GTPBP4: variants seen among roughly 807,000 people sequenced by gnomAD.
GTPBP4 encodes the protein GTP-binding protein 4.
A neutral mutation model predicts 81.7 loss-of-function variants in GTPBP4; 15 were observed. The observed-to-expected ratio is 0.18, with a 90% confidence interval of 0.12 to 0.28. The LOEUF (loss-of-function observed/expected upper bound fraction) is 0.28. GTPBP4 is among the 10% of genes least tolerant of loss of function. GTPBP4 has a pLI of 1.00. For synonymous variants in GTPBP4, 272 were observed against 274.6 expected (o/e 0.99, Z 0.09); for missense variants, 847 against 793.8 (o/e 1.07, Z -0.81).
At chr10:995,687 G>A (rs939329478) in intron 2 of GTPBP4, among the ~76,000 whole-genome samples, 6 of 152,138 alleles carry the variant, frequency 3.9e-5, no homozygotes, top group African/African-American at 1.2e-4. Context: ...TCATTGCTGG[G>A]TCCCACAGCT....
chr10:995,114 T>C (rs1831515418), intron 2 of GTPBP4, among the ~76,000 whole-genome samples: 1 of 152,166 alleles, frequency 6.6e-6, no homozygotes, highest in South Asian at 2.1e-4. Context: ...ACTGGTGAGA[T>C]ATCTCAGGAG....
chr10:1,016,917 G>A (rs1832003652), intron 16 of GTPBP4, among the ~76,000 whole-genome samples, 158 bp from the exon 17 acceptor site: 1 of 151,946 alleles, frequency 6.6e-6, no homozygotes, highest in Non-Finnish European at 1.5e-5. Flanking sequence ...GATGTAACAG[G>A]GATAACTGTG....
Position 1,000,996 on chromosome 10 carries a change from C to G in GTPBP4, c.895C>G (p.Leu299Val), listed in dbSNP as rs1589026004. ...NKCDVKRIAELSEDDQKIFTD... is the reference protein window; with the variant it reads ...NKCDVKRIAEVSEDDQKIFTD... ...ATGTGATGTGAAGAGAATAGCTGAA[C>G]TTTCTGAAGATGATCAGGTAAATCA... The change falls in exon 8 of 17, where the codon CTT becomes GTT. Residue 299 changes from leucine (L) to valine (V), a missense_variant. By Grantham distance (32) the Leu-to-Val change is conservative (BLOSUM62 1). This residue lies in a region of GTPBP4 where 600 missense variants were observed against 557.1 expected (regional missense o/e 1.08). Transcript: ENST00000360803. 3 of 1,605,734 alleles carry G rather than the reference C, an allele frequency of 1.9e-6. No individual in the cohort carries two copies. Among genetic ancestry groups the G allele is most frequent in the East Asian group, 2.2e-5 (1 of 44,818 alleles).
chr10:1,013,074 C>T (rs528306586), intron 14 of GTPBP4, among the ~76,000 whole-genome samples: 1 of 151,986 alleles, frequency 6.6e-6, no homozygotes, highest in Admixed American at 6.5e-5. Context: ...GCCTCCACCT[C>T]GCGGGTTCAA....
At position 999,022 on chromosome 10, in the gene GTPBP4, A is replaced by G; in HGVS notation, c.581A>G (p.Asp194Gly). The G allele has an allele frequency of 6.2e-7, 1 of 1,604,304 alleles. No individual in the cohort carries two copies. Among genetic ancestry groups the G allele is most frequent in the Non-Finnish European group, 8.5e-7 (1 of 1,170,960 alleles). Reference protein sequence around the residue: ...FINKVTRADVDVQPYAFTTKS... With the variant: ...FINKVTRADVGVQPYAFTTKS... ...TTCCAGGTGACGAGAGCAGACGTGG[A>G]TGTCCAGCCCTATGCGTTCACAACC... Residue 194 changes from aspartate (D) to glycine (G), a missense_variant, in exon 6 of 17, where the codon GAT becomes GGT. Physicochemically the swap from Asp to Gly is moderately conservative, Grantham distance 94 (BLOSUM62 -1). Around this residue, in one of 3 missense-constraint regions of GTPBP4, gnomAD observed 600 missense variants for 557.1 expected, o/e 1.08. Transcript: ENST00000360803.
chr10:1,010,899 GC>G (rs1415798103), intron 13 of GTPBP4, among the ~76,000 whole-genome samples: 4 of 145,374 alleles, frequency 2.8e-5, no homozygotes, highest in African/African-American at 5.3e-5. Context: ...TCCTGACTCT[GC>G]CCCCTACACC....
intron 9 of GTPBP4, 88 bp downstream of exon 9, chr10:1,005,995 T>A: frequency 1.3e-6 from 1 of 745,538 alleles, no homozygotes; most frequent in Non-Finnish European, 2.2e-6. Flanking sequence ...GTTTTCTTTC[T>A]AGACATTGTT....
intron 16 of GTPBP4, 39 bp downstream of exon 16, chr10:1,015,935 CTCTGTTGTTTA>C (rs773769586): frequency 6.4e-7 from 1 of 1,551,790 alleles, no homozygotes; most frequent in South Asian, 1.2e-5. Context: ...AAATGACAGT[CTCTGTTGTTTA>C]TTGCACAGGG....
chr10:996,075 T>G, intron 3 of GTPBP4, 31 bp from the exon 4 acceptor site: 1 of 1,425,012 alleles, frequency 7.0e-7, no homozygotes, highest in Non-Finnish European at 9.2e-7. Flanking sequence ...TTATCGAAAG[T>G]GGAAAAAATA....
intron 10 of GTPBP4, among the ~76,000 whole-genome samples, chr10:1,007,733 A>G (rs1831770384): frequency 6.6e-6 from 1 of 152,224 alleles, no homozygotes; most frequent in South Asian, 2.1e-4. Context: ...TGCTGCACTG[A>G]CGCTGGAGGC....
chr10:1,007,403 C>T (rs555236300), intron 10 of GTPBP4: 1 of 292,756 alleles, frequency 3.4e-6, no homozygotes, highest in Non-Finnish European at 6.4e-6. Context: ...CTAAAAAGTT[C>T]TTTAAACACA....
intron 8 of GTPBP4, among the ~76,000 whole-genome samples, chr10:1,003,082 T>C (rs898094686): frequency 3.3e-5 from 5 of 152,234 alleles, no homozygotes; most frequent in Admixed American, 6.5e-5. Context: ...ATAAATCTTA[T>C]AGGCTTCCTT....
Position 1,000,920 on chromosome 10 carries a change from G to T in GTPBP4, c.847-28G>T, listed in dbSNP as rs138913470. ...TCATATCCTGCAGTACGAGAATAATGATTTCATTATTTTTCTTCCTTGCCT... is the reference window on the plus strand; with the variant it reads ...TCATATCCTGCAGTACGAGAATAATTATTTCATTATTTTTCTTCCTTGCCT... On this transcript the variant is annotated intron_variant, in intron 7 of 16. Coordinates refer to ENST00000360803, the MANE Select transcript of GTPBP4 (RefSeq NM_012341.3). 3.9e-3 allele frequency: 6,325 copies of T among 1,609,826 alleles called. 15 individuals are homozygous for T. The highest frequency in any genetic ancestry group is 4.5e-3 in the Non-Finnish European group (5,276 of 1,176,106).
In GTPBP4 at chr10:998,932, T is replaced by G. The variant is rs1037394913; in HGVS notation, c.562-71T>G. The G allele has an allele frequency of 1.7e-5, 15 of 858,996 alleles. No homozygotes were observed. In the African/African-American group the frequency reaches 2.5e-4, roughly 14 times the overall value. The allele number at this position is 858,996 out of a possible 1,614,324, so 53.2% of individuals were successfully genotyped here. ...GTTATTTCCTACCCAAAATCAGTCT[T>G]GTTAAAACACACAGATCCCACGTGT... On this transcript the variant is annotated intron_variant, in intron 5 of 16. Coordinates refer to ENST00000360803, the MANE Select transcript of GTPBP4 (RefSeq NM_012341.3).
intron 5 of GTPBP4, among the ~76,000 whole-genome samples, chr10:997,810 G>C (rs1435220949): frequency 2.6e-5 from 4 of 152,154 alleles, no homozygotes; most frequent in African/African-American, 9.7e-5. Context: ...TGCTGTGTCA[G>C]CTTTCACATG....
At chr10:1,011,466 T>TCCTCTCA (rs1455560208) in intron 13 of GTPBP4, among the ~76,000 whole-genome samples, 10,048 of 147,382 alleles carry the variant, frequency 0.068, 1,619 homozygotes, top group Non-Finnish European at 0.11. Context: ...TCCTGCCTTC[T>TCCTCTCA]GCTCTCAGCT....
chr10:1,010,993 A>ACCACCTTCCCCAC (rs1348527364), intron 13 of GTPBP4, among the ~76,000 whole-genome samples: 4 of 138,578 alleles, frequency 2.9e-5, no homozygotes, highest in Non-Finnish European at 6.2e-5. Flanking sequence ...TGCCTCCTGC[A>ACCACCTTCCCCAC]CCACCTTCCC....
At position 1,007,035 on chromosome 10, in the gene GTPBP4, G is replaced by C. The variant is rs753565559; in HGVS notation, c.1020G>C (p.Leu340Phe). The C allele has an allele frequency of 1.9e-6, 3 of 1,609,856 alleles. No individual in the cohort carries two copies. Among genetic ancestry groups the C allele is most frequent in the East Asian group, 4.5e-5 (2 of 44,872 alleles). Residue 340 changes from leucine (L) to phenylalanine (F), a missense_variant, in exon 10 of 17, where the codon TTG (leucine) becomes TTC (phenylalanine). Coordinates refer to ENST00000360803, the MANE Select transcript of GTPBP4 (RefSeq NM_012341.3). ...GTTATTAGGCTTGCGATAGGCTTTT[G>C]GCTCATCGAGTGGAAACCAAAATGA... ...KVKTEACDRL[L>F]AHRVETKMKG...
chr10:995,536 T>C (rs1452565909), intron 2 of GTPBP4, among the ~76,000 whole-genome samples: 2 of 152,052 alleles, frequency 1.3e-5, no homozygotes, highest in Non-Finnish European at 2.9e-5. Flanking sequence ...TTTGGGGCTA[T>C]GGGAATTTTT....
Sources: gnomAD v4.1 joint callset for allele counts (sites outside exome capture counted in the v4.1 genomes callset) on GRCh38, gnomAD v4.1.1 for gene constraint, gnomAD v4.1.1 regional missense constraint, MANE v1.5 for transcripts, NCBI Gene and HGNC (gene_info 2026-07-23, HGNC 2026-07-21) for gene names.